Variants in GDPD4 observed in about 807,000 individuals in gnomAD.
GDPD4 encodes glycerophosphodiester phosphodiesterase domain containing 4.
A neutral mutation model predicts 67.8 loss-of-function variants in GDPD4; 60 were observed. The observed-to-expected ratio is 0.88, with a 90% CI of 0.72 to 1.10. The LOEUF is 1.10. Among genes scored for constraint, GDPD4 ranks in the 50% least tolerant of loss-of-function variants. The pLI, the probability that GDPD4 is intolerant of heterozygous loss-of-function variation, is 0.00. For missense variants in GDPD4, 623 were observed against 613.9 expected, an observed-to-expected ratio of 1.01 and a Z score of -0.16; for synonymous variants, 212 against 210.9, an observed-to-expected ratio of 1.00 and a Z score of -0.04.
At chr11:77,296,534 C>A (rs1278555775) in intron 1 of GDPD4, among the ~76,000 whole-genome samples, 3 of 150,828 alleles carry the variant, frequency 2.0e-5, no homozygotes, top group Non-Finnish European at 4.4e-5. Context: ...GTTAGCCAGG[C>A]CGGTCTTGAA....
chr11:77,218,097 T>A (rs1379297377), intron 16 of GDPD4, among the ~76,000 whole-genome samples: 2 of 50,602 alleles, frequency 4.0e-5, no homozygotes, highest in East Asian at 1.4e-3. Context: ...TGAGCTTCCA[T>A]TTTTTTTTTT....
At chr11:77,287,501 A>G (rs1960047831) in intron 1 of GDPD4, 81 bp from the exon 2 acceptor site, 1 of 152,206 alleles carries the variant, frequency 6.6e-6, no homozygotes, top group Non-Finnish European at 1.5e-5. Flanking sequence ...AGAAAATTTT[A>G]TCAAAGACAG....
intron 3 of GDPD4, among the ~76,000 whole-genome samples, chr11:77,281,293 G>A (rs1435245305): frequency 1.3e-5 from 2 of 152,062 alleles, no homozygotes; most frequent in African/African-American, 2.4e-5. Context: ...ATATTGCAAT[G>A]TTTTATATCA....
At chr11:77,225,124 A>G (rs1958302985) in intron 16 of GDPD4, among the ~76,000 whole-genome samples, 1 of 152,080 alleles carries the variant, frequency 6.6e-6, no homozygotes, top group Non-Finnish European at 1.5e-5. Context: ...AAAACAAAAA[A>G]CTAGTAAACA....
intron 4 of GDPD4, among the ~76,000 whole-genome samples, chr11:77,277,271 C>T (rs1328501313): frequency 6.6e-6 from 1 of 151,808 alleles, no homozygotes; most frequent in Middle Eastern, 3.2e-3. Context: ...CCATAGCCAC[C>T]CTCCAAACCA....
intron 11 of GDPD4, among the ~76,000 whole-genome samples, chr11:77,249,711 G>A (rs1400717751): frequency 6.6e-6 from 1 of 152,190 alleles, no homozygotes; most frequent in South Asian, 2.1e-4. Context: ...GAGGATTAGT[G>A]TGGACAAGTC....
In GDPD4 at chr11:77,279,319, G is replaced by C. The variant is rs1014682043; in HGVS notation, c.134C>G (p.Ser45Cys). The C allele has an allele frequency of 1.9e-6, 3 of 1,606,540 alleles. No individual in the cohort carries two copies. In the African/African-American group the frequency reaches 4.0e-5, roughly 21 times the overall value. ...AGCATTACTCACCAACAGCAATGAA[G>C]AGTAGGCAGTCAGGATCCTAGCTAA... The part of the protein sequence containing the change: ...LSLARILTAY[S>C]SLLLLLGFLL... Residue 45 changes from serine (S) to cysteine (C), a missense_variant, in exon 4 of 17, where the codon TCT becomes TGT. Transcript: ENST00000315938.
chr11:77,272,916 G>T (rs7114116), intron 5 of GDPD4, among the ~76,000 whole-genome samples: 4 of 152,046 alleles, frequency 2.6e-5, no homozygotes, highest in Non-Finnish European at 5.9e-5. Context: ...AAAATATGAA[G>T]AAACATTGCT....
intron 5 of GDPD4, among the ~76,000 whole-genome samples, chr11:77,272,897 G>C (rs1288692063): frequency 6.6e-6 from 1 of 152,014 alleles, no homozygotes; most frequent in Non-Finnish European, 1.5e-5. Context: ...TGTAAGGTGT[G>C]TTTTGAGCAA....
chr11:77,266,419 C>T (rs1043955745), intron 10 of GDPD4, among the ~76,000 whole-genome samples: 1 of 152,106 alleles, frequency 6.6e-6, no homozygotes, highest in African/African-American at 2.4e-5. Context: ...GCACATACAA[C>T]TACAGATAAT....
At chr11:77,228,700 A>G (rs377335902) in intron 15 of GDPD4, among the ~76,000 whole-genome samples, 1 of 151,744 alleles carries the variant, frequency 6.6e-6, no homozygotes, top group Non-Finnish European at 1.5e-5. Flanking sequence ...AAAAACGAAC[A>G]AAAAAAATAT....
intron 11 of GDPD4, among the ~76,000 whole-genome samples, chr11:77,255,598 C>T (rs1362096223): frequency 6.6e-6 from 1 of 152,082 alleles, no homozygotes; most frequent in Non-Finnish European, 1.5e-5. Context: ...CGGTGGCTCA[C>T]ACTTGTAATC....
At chr11:77,279,567 A>T (rs1266501339) in intron 3 of GDPD4, among the ~76,000 whole-genome samples, 168 bp from the exon 4 acceptor site, 2 of 150,728 alleles carry the variant, frequency 1.3e-5, no homozygotes, top group South Asian at 2.1e-4. Flanking sequence ...GGAGTTTTAA[A>T]GTTGTGTTCT....
At chr11:77,252,112 G>A (rs1310152293) in intron 11 of GDPD4, among the ~76,000 whole-genome samples, 1 of 138,554 alleles carries the variant, frequency 7.2e-6, no homozygotes, top group Admixed American at 7.9e-5. Context: ...AGCCCAGGCT[G>A]GAGTGCAGTA....
At chr11:77,218,961 G>A (rs895096712) in intron 16 of GDPD4, among the ~76,000 whole-genome samples, 5 of 152,268 alleles carry the variant, frequency 3.3e-5, no homozygotes, top group Admixed American at 2.6e-4. Context: ...TCGAGGAATC[G>A]CCACACTGTC....
At chr11:77,224,746 T>C (rs554457128) in intron 16 of GDPD4, among the ~76,000 whole-genome samples, 4 of 152,342 alleles carry the variant, frequency 2.6e-5, no homozygotes, top group South Asian at 2.1e-4. Flanking sequence ...GTCTGTGAGA[T>C]AATACATTTG....
chr11:77,290,647 T>C (rs1486157352), intron 1 of GDPD4, among the ~76,000 whole-genome samples: 2 of 152,076 alleles, frequency 1.3e-5, no homozygotes, highest in African/African-American at 4.8e-5. Flanking sequence ...CAATAAACAT[T>C]TACATCAAAA....
chr11:77,300,883 G>T (rs1938137121), intron 1 of GDPD4, among the ~76,000 whole-genome samples: 1 of 152,092 alleles, frequency 6.6e-6, no homozygotes. Context: ...CATATATATA[G>T]AACTTGGTGT....
chr11:77,219,671 A>T (rs1267758812), intron 16 of GDPD4, among the ~76,000 whole-genome samples: 1 of 152,200 alleles, frequency 6.6e-6, no homozygotes, highest in Non-Finnish European at 1.5e-5. Flanking sequence ...CAGGTTTGTC[A>T]AAGATCAGAT....
Sources: allele counts gnomAD v4.1 joint callset (sites outside exome capture counted in the v4.1 genomes callset), GRCh38; gene constraint gnomAD v4.1.1; transcripts MANE v1.5; gene names NCBI Gene and HGNC (gene_info 2026-07-23, HGNC 2026-07-21).